IGF2BP3: variants seen among roughly 807,000 people sequenced by gnomAD.
The protein encoded by IGF2BP3 is insulin like growth factor 2 mRNA binding protein 3, also known as insulin-like growth factor 2 mRNA-binding protein 3.
IGF2BP3 carries 9 observed loss-of-function variants against 73.8 expected under a neutral mutation model. That is an observed-to-expected ratio of 0.12 (90% confidence interval 0.07 to 0.21). The LOEUF is 0.21. IGF2BP3 is among the 10% of genes least tolerant of loss of function. The probability of loss-of-function intolerance (pLI) is 1.00; values close to 1 mark genes in which losing one functional copy is unlikely to be tolerated. For missense variants in IGF2BP3, 542 were observed against 714.0 expected, an observed-to-expected ratio of 0.76 and a Z score of 2.75; for synonymous variants, 258 against 256.7, an observed-to-expected ratio of 1.01 and a Z score of -0.05.
chr7:23,390,940 A>G (rs1397497481), intron 3 of IGF2BP3, among the ~76,000 whole-genome samples: 2 of 151,052 alleles, frequency 1.3e-5, no homozygotes, highest in African/African-American at 2.4e-5. Context: ...CTGGGATCAC[A>G]AGCACCCACC....
chr7:23,350,986 G>T (rs1465987033), intron 6 of IGF2BP3, among the ~76,000 whole-genome samples: 2 of 152,118 alleles, frequency 1.3e-5, no homozygotes, highest in Non-Finnish European at 2.9e-5. Context: ...GGGCAGGTGG[G>T]GGGTAAGGGG....
intron 10 of IGF2BP3, among the ~76,000 whole-genome samples, chr7:23,322,183 G>C (rs1345443016): frequency 1.3e-5 from 2 of 152,158 alleles, no homozygotes; most frequent in East Asian, 3.9e-4. Flanking sequence ...AAAAAGTTTA[G>C]AAGAATGTAT....
At chr7:23,378,569 G>GTTTTTTTTT (rs1156868701) in intron 3 of IGF2BP3, among the ~76,000 whole-genome samples, 3 of 65,884 alleles carry the variant, frequency 4.6e-5, no homozygotes, top group African/African-American at 7.2e-5. Flanking sequence ...ATTTTTGCTT[G>GTTTTTTTTT]TTTTTTTTTT....
At chr7:23,319,538 G>T (rs553572353) in intron 10 of IGF2BP3, among the ~76,000 whole-genome samples, 19 of 152,168 alleles carry the variant, frequency 1.2e-4, no homozygotes, top group African/African-American at 3.4e-4. Flanking sequence ...ATGTTGTAAA[G>T]TTTAATCATA....
intron 2 of IGF2BP3, among the ~76,000 whole-genome samples, chr7:23,449,266 C>T (rs770366140): frequency 2.6e-5 from 4 of 151,964 alleles, no homozygotes; most frequent in Admixed American, 6.6e-5. Context: ...GCCTGAAATC[C>T]CAGCACTTTG....
chr7:23,354,250 C>T (rs1388697519), intron 5 of IGF2BP3, among the ~76,000 whole-genome samples: 1 of 152,184 alleles, frequency 6.6e-6, no homozygotes. Flanking sequence ...ACCTCGGCCT[C>T]CCAAAGTGCT....
chr7:23,376,761 G>A (rs1469835573), intron 3 of IGF2BP3, among the ~76,000 whole-genome samples: 5 of 152,062 alleles, frequency 3.3e-5, no homozygotes, highest in Non-Finnish European at 4.4e-5. Flanking sequence ...CCAGCTACAC[G>A]ACAGGCTGAG....
chr7:23,459,359 C>G (rs560844565), intron 2 of IGF2BP3, among the ~76,000 whole-genome samples: 10 of 152,094 alleles, frequency 6.6e-5, no homozygotes, highest in Non-Finnish European at 1.2e-4. Flanking sequence ...CAAAAGATTT[C>G]TTCTATTTCT....
intron 10 of IGF2BP3, among the ~76,000 whole-genome samples, chr7:23,335,640 G>C (rs2128498915): frequency 6.6e-6 from 1 of 152,168 alleles, no homozygotes; most frequent in Middle Eastern, 3.4e-3. Flanking sequence ...TCTTTCATAA[G>C]CAGAAAGCTA....
chr7:23,350,668 AG>A (rs1784937605), intron 6 of IGF2BP3, among the ~76,000 whole-genome samples: 8 of 152,242 alleles, frequency 5.3e-5, no homozygotes, highest in Admixed American at 3.9e-4. Flanking sequence ...TCTATGTAGC[AG>A]GGCCCTGGCC....
intron 3 of IGF2BP3, among the ~76,000 whole-genome samples, chr7:23,401,628 G>C (rs936550976): frequency 1.3e-5 from 2 of 152,076 alleles, no homozygotes; most frequent in East Asian, 1.9e-4. Flanking sequence ...AGCTGGGCTT[G>C]GTGGCAGTCA....
intron 10 of IGF2BP3, among the ~76,000 whole-genome samples, chr7:23,332,652 G>A (rs1784472323): frequency 2.0e-5 from 3 of 152,198 alleles, no homozygotes; most frequent in Admixed American, 2.0e-4. Flanking sequence ...CAGAAGAACA[G>A]CATCTCTCTT....
At chr7:23,341,524 C>T (rs1244334166) in intron 10 of IGF2BP3, among the ~76,000 whole-genome samples, 3 of 152,036 alleles carry the variant, frequency 2.0e-5, no homozygotes, top group East Asian at 3.9e-4. Flanking sequence ...AAAAAGTAGC[C>T]GGGTGTGGTG....
chr7:23,466,978 C>CTT (rs1788580110), intron 2 of IGF2BP3, among the ~76,000 whole-genome samples: 1 of 152,120 alleles, frequency 6.6e-6, no homozygotes, highest in African/African-American at 2.4e-5. Flanking sequence ...GTAAAATGGG[C>CTT]TTATGTTTTT....
chr7:23,421,340 C>A (rs970871663), intron 2 of IGF2BP3, among the ~76,000 whole-genome samples: 8 of 139,870 alleles, frequency 5.7e-5, no homozygotes, highest in Non-Finnish European at 1.3e-4. Context: ...AAAAAATATA[C>A]CCTAATAAAA....
chr7:23,336,924 G>A (rs1387948778), intron 10 of IGF2BP3, among the ~76,000 whole-genome samples: 2 of 151,776 alleles, frequency 1.3e-5, no homozygotes, highest in Admixed American at 6.6e-5. Flanking sequence ...CTCCACCCTG[G>A]GTGACAGGGC....
chr7:23,364,014 G>GT (rs1277003641), intron 3 of IGF2BP3, among the ~76,000 whole-genome samples: 1 of 152,260 alleles, frequency 6.6e-6, no homozygotes, highest in Non-Finnish European at 1.5e-5. Context: ...CATGGCGGGT[G>GT]TATCACCTGA....
At chr7:23,462,007 GA>G (rs953731070) in intron 2 of IGF2BP3, among the ~76,000 whole-genome samples, 10 of 150,918 alleles carry the variant, frequency 6.6e-5, no homozygotes, top group Non-Finnish European at 7.4e-5. Context: ...ACTCTGCCAG[GA>G]AAAAAAAACT....
At chr7:23,380,654 G>A (rs1017093002) in intron 3 of IGF2BP3, among the ~76,000 whole-genome samples, 2 of 152,170 alleles carry the variant, frequency 1.3e-5, no homozygotes, top group Non-Finnish European at 2.9e-5. Flanking sequence ...TCCCTGTACT[G>A]GGATGAATAG....
Sources: allele counts gnomAD v4.1 joint callset (sites outside exome capture counted in the v4.1 genomes callset), GRCh38; gene constraint gnomAD v4.1.1; transcripts MANE v1.5; gene names NCBI Gene and HGNC (gene_info 2026-07-23, HGNC 2026-07-21).